The following COX7B variants were observed in gnomAD, a reference collection of about 807,000 sequenced individuals.
COX7B encodes cytochrome c oxidase subunit 7B, also known as cytochrome c oxidase subunit 7B, mitochondrial.
COX7B carries 2 observed loss-of-function variants against 7.9 expected under a neutral mutation model. That is an observed-to-expected ratio of 0.25 (90% CI 0.10 to 0.79). The LOEUF (loss-of-function observed/expected upper bound fraction) is 0.79. Among genes scored for constraint, COX7B ranks in the 30% least tolerant of loss-of-function variants. The probability of loss-of-function intolerance (pLI) is 0.69; values close to 1 mark genes in which losing one functional copy is unlikely to be tolerated. For synonymous variants in COX7B, 19 were observed against 21.1 expected, an observed-to-expected ratio of 0.90 and a Z score of 0.27; for missense variants, 54 against 62.7, an observed-to-expected ratio of 0.86 and a Z score of 0.47.
At chrX:77,905,113 T>C (rs1310868869) in intron 2 of COX7B, 71 bp from the exon 3 acceptor site, 2 of 871,905 alleles carry the variant, frequency 2.3e-6, no homozygotes, top group Non-Finnish European at 3.4e-6. Flanking sequence ...ATCTGTCATT[T>C]TCAAGAAATA....
rs1170306322 is a variant in COX7B, at chrX:77,907,340, CAT to C, written c.*2080_*2081del. ...CTGAGCGATATTGAAGTAAAATAAA[CAT>C]GTATTTAAGGAAGTGTCAACCTTCA... On this transcript the variant is annotated 3_prime_UTR_variant, in exon 3 of 3. Transcript: ENST00000650309. The C allele has an allele frequency of 2.7e-5, 3 of 112,113 alleles. No individual in the cohort carries two copies. Among genetic ancestry groups the C allele is most frequent in the Admixed American group, 9.5e-5 (1 of 10,539 alleles). 9.2% of individuals were successfully genotyped at this position (112,113 alleles called of 1,213,427 possible). A position where few individuals can be genotyped will look rare whatever the true frequency, so the allele number is the denominator to read the frequency against.
At chrX:77,901,547 C>G (rs904275926) in intron 1 of COX7B, among the ~76,000 whole-genome samples, 1 of 110,197 alleles carries the variant, frequency 9.1e-6, no homozygotes, top group Non-Finnish European at 1.9e-5. Context: ...AACTTTTGTT[C>G]TTCTCTTTCT....
Position 77,899,521 on chromosome X carries a change from C to G in COX7B, c.-33C>G. ...AAGCGAATTGGCACCAAAGCAGCAG[C>G]TGTATTGCCGCAGTTCTAGCTTCAC... On this transcript the variant is annotated 5_prime_UTR_variant, in exon 1 of 3. Transcript: ENST00000650309. The G allele has an allele frequency of 8.3e-7, 1 of 1,209,666 alleles. No homozygotes were observed. Among genetic ancestry groups the G allele is most frequent in the African/African-American group, 1.7e-5 (1 of 57,793 alleles).
chrX:77,904,416 C>G (rs1453427320), intron 2 of COX7B, among the ~76,000 whole-genome samples: 1 of 106,295 alleles, frequency 9.4e-6, no homozygotes, highest in African/African-American at 3.4e-5. Flanking sequence ...TTTGGGAGGC[C>G]CTGGCGGGTG....
At chrX:77,902,529 A>G in intron 1 of COX7B, 114 bp from the exon 2 acceptor site, 3 of 765,895 alleles carry the variant, frequency 3.9e-6, no homozygotes, top group Non-Finnish European at 5.7e-6. Flanking sequence ...GAACTACATA[A>G]TACTGTAAAA....
intron 1 of COX7B, among the ~76,000 whole-genome samples, chrX:77,902,290 A>G (rs2077122385): frequency 8.9e-6 from 1 of 111,986 alleles, no homozygotes; most frequent in Non-Finnish European, 1.9e-5. Flanking sequence ...AATGTTACTG[A>G]CATCATTCAT....
At position 77,906,573 on chromosome X, in the gene COX7B, A is replaced by G. The variant is rs963406012; in HGVS notation, c.*1312A>G. The G allele has an allele frequency of 4.5e-5, 5 of 112,262 alleles. No individual in the cohort carries two copies. In the East Asian group the frequency reaches 1.1e-3, roughly 25 times the overall value. The allele number at this position is 112,262 out of a possible 1,213,427, so 9.3% of individuals were successfully genotyped here. On this transcript the variant is annotated 3_prime_UTR_variant, in exon 3 of 3. Coordinates refer to ENST00000650309, the MANE Select transcript of COX7B (RefSeq NM_001866.3). ...TTTGTGGATTATTATTTTAGTATAT[A>G]ACATTGGATTTTATGTATGTTACCT...
intron 2 of COX7B, among the ~76,000 whole-genome samples, chrX:77,903,481 A>G (rs1368173874): frequency 2.7e-5 from 3 of 110,758 alleles, no homozygotes; most frequent in Non-Finnish European, 5.7e-5. Context: ...GGTGTGAGCC[A>G]CTGTGCCCAG....
At chrX:77,905,138 G>A in intron 2 of COX7B, 46 bp from the exon 3 acceptor site, 1 of 974,914 alleles carries the variant, frequency 1.0e-6, no homozygotes, top group Non-Finnish European at 1.5e-6. Flanking sequence ...CCGAGAGAGT[G>A]TACTCTGGTT....
rs371924096 is a variant in COX7B at position 77,902,746 on chromosome X, C to G, written c.144C>G (p.Phe48Leu). 1.2e-5 allele frequency: 14 copies of G among 1,206,328 alleles called. No homozygotes were observed. The highest frequency in any genetic ancestry group is 1.5e-5 in the Non-Finnish European group (13 of 893,002). ...CTGTATTAGCTAGTGGAGCCACTTT[C>G]TGTATTGTTACATGGACATATGTAA... ...GNAVLASGAT[F>L]CIVTWTYVAT... Residue 48 changes from phenylalanine (F) to leucine (L), a missense_variant, in exon 2 of 3, where the codon TTC becomes TTG. By Grantham distance (22) the Phe-to-Leu change is conservative. Transcript: ENST00000650309.
At chrX:77,905,058 G>T in intron 2 of COX7B, 126 bp from the exon 3 acceptor site, 1 of 546,164 alleles carries the variant, frequency 1.8e-6, no homozygotes, top group African/African-American at 2.3e-5. Flanking sequence ...GAGGGTATTA[G>T]ATCCCAGGTG....
intron 1 of COX7B, 27 bp downstream of exon 1, chrX:77,899,620 TACA>T (rs1557220482): frequency 8.4e-7 from 1 of 1,196,565 alleles, no homozygotes; most frequent in Admixed American, 2.2e-5. Flanking sequence ...ACAAATCATT[TACA>T]ACAACCTTAT....
intron 2 of COX7B, 99 bp from the exon 3 acceptor site, chrX:77,905,085 T>C: frequency 1.4e-6 from 1 of 702,137 alleles, no homozygotes; most frequent in South Asian, 2.4e-5. Flanking sequence ...TGTGTATTTT[T>C]AACCTATAGA....
chrX:77,900,204 TA>T (rs1331324962), intron 1 of COX7B, among the ~76,000 whole-genome samples: 1 of 111,020 alleles, frequency 9.0e-6, no homozygotes, highest in Non-Finnish European at 1.9e-5. Flanking sequence ...CCGTCCCTAC[TA>T]AAAATACAAA....
At chrX:77,903,859 A>G (rs1177549414) in intron 2 of COX7B, among the ~76,000 whole-genome samples, 1 of 107,926 alleles carries the variant, frequency 9.3e-6, no homozygotes, top group African/African-American at 3.4e-5. Context: ...TTAACAATCT[A>G]TCTTTCAGTC....
At chrX:77,903,366 G>A (rs1378788435) in intron 2 of COX7B, among the ~76,000 whole-genome samples, 1 of 108,866 alleles carries the variant, frequency 9.2e-6, no homozygotes, top group Non-Finnish European at 1.9e-5. Flanking sequence ...GCAGATTTTT[G>A]TATTTTTAGT....
rs782205304 is a variant in COX7B at position 77,900,407 on chromosome X, C to A, written c.40+814C>A. 1.2e-4 allele frequency among the ~76,000 whole-genome samples: 13 copies of A among 112,156 alleles called. No homozygotes were observed. The South Asian group carries it at 4.8e-3, about 41-fold the overall frequency. On this transcript the variant is annotated intron_variant, in intron 1 of 2. Coordinates refer to ENST00000650309, the MANE Select transcript of COX7B (RefSeq NM_001866.3). ...CAATGTTAGCTGTCCTGAAGGCAAT[C>A]GTGGTCATTTTTTTCTTATCCAAAG... is the stretch of plus-strand genomic sequence containing the variant.
intron 1 of COX7B, among the ~76,000 whole-genome samples, chrX:77,901,276 G>A (rs1437685390): frequency 4.8e-5 from 5 of 103,971 alleles, no homozygotes; most frequent in Non-Finnish European, 2.0e-5. Context: ...ACAAAGTTTC[G>A]CTCTTGTTGC....
intron 2 of COX7B, among the ~76,000 whole-genome samples, chrX:77,904,421 C>T (rs953055613): frequency 1.9e-5 from 2 of 106,668 alleles, no homozygotes; most frequent in Non-Finnish European, 3.9e-5. Context: ...GAGGCCCTGG[C>T]GGGTGGATCA....
Sources: allele counts gnomAD v4.1 joint callset (sites outside exome capture counted in the v4.1 genomes callset), GRCh38; gene constraint gnomAD v4.1.1; transcripts MANE v1.5; gene names NCBI Gene and HGNC (gene_info 2026-07-23, HGNC 2026-07-21).